Variants in TMEM132D observed in about 807,000 individuals in gnomAD.
The protein encoded by TMEM132D is mature OL transmembrane protein.
Under a neutral mutation model 62.3 loss-of-function variants are expected in TMEM132D, and 21 were observed. That is an observed-to-expected ratio of 0.34 (90% CI 0.24 to 0.49). The LOEUF (loss-of-function observed/expected upper bound fraction) is 0.49. Ranked by LOEUF, TMEM132D falls within the 20% of genes least tolerant of loss-of-function variation. TMEM132D has a pLI of 0.99. For synonymous variants in TMEM132D, 621 were observed against 575.6 expected (o/e 1.08, Z -1.13); for missense variants, 1,346 against 1,402.8 (o/e 0.96, Z 0.65).
chr12:129,383,331 A>C (rs1253840789), intron 3 of TMEM132D, among the ~76,000 whole-genome samples: 2 of 152,228 alleles, frequency 1.3e-5, no homozygotes, highest in Non-Finnish European at 2.9e-5. Context: ...GAAGAACCCT[A>C]AGCCCACCAG....
chr12:129,405,416 A>C (rs150260561), intron 3 of TMEM132D, among the ~76,000 whole-genome samples: 294 of 152,226 alleles, frequency 1.9e-3, no homozygotes, highest in African/African-American at 6.6e-3. Context: ...TCAACATGTA[A>C]ATCTTGGGGA....
chr12:129,846,357 G>GT (rs1471051526), intron 1 of TMEM132D, among the ~76,000 whole-genome samples: 1 of 151,840 alleles, frequency 6.6e-6, no homozygotes, highest in African/African-American at 2.4e-5. Flanking sequence ...TTTCTGGTTG[G>GT]TTTTTCAAAA....
chr12:129,632,106 T>A (rs1879360023), intron 2 of TMEM132D, among the ~76,000 whole-genome samples: 1 of 152,196 alleles, frequency 6.6e-6, no homozygotes, highest in South Asian at 2.1e-4. Flanking sequence ...CTTCAGGTAT[T>A]TCGGTGCTGA....
At chr12:129,215,685 C>G (rs1879180800) in intron 4 of TMEM132D, among the ~76,000 whole-genome samples, 1 of 152,142 alleles carries the variant, frequency 6.6e-6, no homozygotes, top group Non-Finnish European at 1.5e-5. Context: ...CAGGGACTCT[C>G]TCTTGGATTG....
intron 3 of TMEM132D, among the ~76,000 whole-genome samples, chr12:129,522,125 C>A (rs73155239): frequency 2.0e-5 from 3 of 152,012 alleles, no homozygotes; most frequent in African/African-American, 7.2e-5. Flanking sequence ...CAGTTAGTCA[C>A]CAGGGTTAAA....
At chr12:129,557,066 T>C (rs1331999309) in intron 2 of TMEM132D, among the ~76,000 whole-genome samples, 3 of 152,246 alleles carry the variant, frequency 2.0e-5, no homozygotes, top group Non-Finnish European at 4.4e-5. Context: ...GGTGATTTGA[T>C]ACCCACCATT....
chr12:129,861,904 C>T (rs1331768920), intron 1 of TMEM132D, among the ~76,000 whole-genome samples: 1 of 152,040 alleles, frequency 6.6e-6, no homozygotes. Flanking sequence ...TTTCTGATGA[C>T]CAGATGGCCC....
chr12:129,446,532 T>C (rs1025669776), intron 3 of TMEM132D, among the ~76,000 whole-genome samples: 10 of 152,206 alleles, frequency 6.6e-5, no homozygotes, highest in African/African-American at 2.4e-4. Context: ...CTTACACACA[T>C]AACCCATGTT....
chr12:129,512,100 G>A (rs1006141349), intron 3 of TMEM132D, among the ~76,000 whole-genome samples: 2 of 152,142 alleles, frequency 1.3e-5, no homozygotes, highest in Non-Finnish European at 2.9e-5. Flanking sequence ...CTGACAAATG[G>A]TAGCTACTCA....
chr12:129,466,279 CTTTTTTTTTTT>C (rs551019541), intron 3 of TMEM132D, among the ~76,000 whole-genome samples: 1 of 100,398 alleles, frequency 1.0e-5, no homozygotes, highest in Admixed American at 1.2e-4. Context: ...TAGATTTTTC[CTTTTTTTTTTT>C]TTTTTTTTTT....
rs552552567 is a variant in TMEM132D, at chr12:129,633,031, C to A, written c.968+66779G>T. Among the ~76,000 whole-genome samples, 4 of 152,308 alleles carry A rather than the reference C, an allele frequency of 2.6e-5. No homozygotes were observed. The South Asian group carries it at 8.3e-4, about 32-fold the overall frequency. ...ACATAGGGGTAAGTAGGATGCTTGG[C>A]TTAAATGTTTTTTTCTGTATTCAAT... On this transcript the variant is annotated intron_variant, in intron 2 of 8. Coordinates refer to ENST00000422113, the MANE Select transcript of TMEM132D (RefSeq NM_133448.3).
At chr12:129,515,969 A>G (rs934460891) in intron 3 of TMEM132D, among the ~76,000 whole-genome samples, 1 of 152,218 alleles carries the variant, frequency 6.6e-6, no homozygotes, top group African/African-American at 2.4e-5. Context: ...AACCATGCAG[A>G]AAGTGAGGAA....
chr12:129,873,032 T>C (rs1302861108), intron 1 of TMEM132D, among the ~76,000 whole-genome samples: 1 of 152,138 alleles, frequency 6.6e-6, no homozygotes, highest in African/African-American at 2.4e-5. Flanking sequence ...TCACTCTTAA[T>C]CTTGTTGAAA....
chr12:129,814,150 G>C (rs1183816134), intron 1 of TMEM132D, among the ~76,000 whole-genome samples: 1 of 152,116 alleles, frequency 6.6e-6, no homozygotes, highest in Non-Finnish European at 1.5e-5. Context: ...GGAGCTAAAA[G>C]AGTGGATGTC....
chr12:129,370,411 G>A (rs944765756), intron 3 of TMEM132D, among the ~76,000 whole-genome samples: 6 of 152,196 alleles, frequency 3.9e-5, no homozygotes, highest in African/African-American at 1.4e-4. Context: ...ACTCTATAGT[G>A]GCAGCTCTGC....
intron 3 of TMEM132D, among the ~76,000 whole-genome samples, chr12:129,357,583 G>GAGAAAGAAAGGAGAGAAAGAAAA (rs1566043906): frequency 6.6e-6 from 1 of 151,842 alleles, no homozygotes; most frequent in African/African-American, 2.4e-5. Flanking sequence ...GCAAGGAAGG[G>GAGAAAGAAAGGAGAGAAAGAAAA]AGAAAGAAAG....
chr12:129,690,631 T>C (rs1449352107), intron 2 of TMEM132D, among the ~76,000 whole-genome samples: 1 of 152,132 alleles, frequency 6.6e-6, no homozygotes, highest in Non-Finnish European at 1.5e-5. Context: ...ATGGGCTAAT[T>C]ATCCAAGAAG....
At chr12:129,105,982 G>A (rs1184110172) in intron 5 of TMEM132D, among the ~76,000 whole-genome samples, 1 of 151,704 alleles carries the variant, frequency 6.6e-6, no homozygotes, top group African/African-American at 2.4e-5. Context: ...GTTTATTGTG[G>A]CACTATTCAC....
At position 129,700,025 on chromosome 12, in the gene TMEM132D, C is replaced by G. The variant is rs752802807; in HGVS notation, c.753G>C (p.Arg251=). ...REDARRSNGI[R]TGHSDIDESG... ...ACTCATCGATGTCACTGTGGCCTGTCCGGATCCCATTGCTTCTCCTCGCGT... is the reference window on the plus strand; with the variant it reads ...ACTCATCGATGTCACTGTGGCCTGTGCGGATCCCATTGCTTCTCCTCGCGT... The change falls in exon 2 of 9, where the codon CGG becomes CGC. Residue 251 remains arginine, a synonymous_variant. Transcript: ENST00000422113. 3 of 1,614,004 alleles carry G rather than the reference C, an allele frequency of 1.9e-6. No homozygotes were observed. In the East Asian group the frequency reaches 6.7e-5, roughly 36 times the overall value.
Sources: allele counts gnomAD v4.1 joint callset (sites outside exome capture counted in the v4.1 genomes callset), GRCh38; gene constraint gnomAD v4.1.1; transcripts MANE v1.5; gene names NCBI Gene and HGNC (gene_info 2026-07-23, HGNC 2026-07-21).